Variants in TNIK observed in about 807,000 individuals in gnomAD.
TNIK encodes TRAF2 and NCK interacting kinase.
In TNIK, 49 loss-of-function variants were observed where a neutral mutation model predicts 191.3. That is an observed-to-expected ratio of 0.26 (90% CI 0.20 to 0.32). The LOEUF (loss-of-function observed/expected upper bound fraction) is 0.32, where lower values mean the gene tolerates loss of function less well. Ranked by LOEUF, TNIK falls within the 10% of genes least tolerant of loss-of-function variation. TNIK has a pLI of 1.00. For missense variants in TNIK, 1,155 were observed against 1,702.3 expected (o/e 0.68, Z 5.66); for synonymous variants, 594 against 600.9 (o/e 0.99, Z 0.17).
At chr3:171,201,292 G>A (rs1205744690) in intron 4 of TNIK, among the ~76,000 whole-genome samples, 5 of 152,224 alleles carry the variant, frequency 3.3e-5, no homozygotes, top group South Asian at 2.1e-4. Flanking sequence ...CCAGCTACTC[G>A]GGAGGCTGAG....
chr3:171,407,187 G>A (rs1041041799), intron 1 of TNIK, among the ~76,000 whole-genome samples: 6 of 152,134 alleles, frequency 3.9e-5, no homozygotes, highest in African/African-American at 4.8e-5. Flanking sequence ...AAGAAATGGC[G>A]GAAGGAAGTA....
intron 2 of TNIK, among the ~76,000 whole-genome samples, chr3:171,242,898 A>T (rs879567863): frequency 1.3e-4 from 20 of 152,238 alleles, no homozygotes; most frequent in Admixed American, 2.6e-4. Context: ...ACATTTTTAA[A>T]CATAAAAAAA....
intron 2 of TNIK, among the ~76,000 whole-genome samples, chr3:171,277,426 CT>C (rs1275585932): frequency 6.6e-6 from 1 of 151,888 alleles, no homozygotes; most frequent in African/African-American, 2.4e-5. Flanking sequence ...AAAGTAGTTG[CT>C]TTTGGGGAAC....
intron 2 of TNIK, among the ~76,000 whole-genome samples, chr3:171,230,895 C>T (rs1743540866): frequency 6.6e-6 from 1 of 152,164 alleles, no homozygotes; most frequent in South Asian, 2.1e-4. Flanking sequence ...CCAAATAAAA[C>T]CTTAAGTGAA....
intron 7 of TNIK, among the ~76,000 whole-genome samples, chr3:171,183,919 C>CT (rs1387932983): frequency 1.6e-5 from 1 of 61,554 alleles, no homozygotes; most frequent in African/African-American, 9.1e-5. Context: ...TAGACTCCGT[C>CT]TTAAAAAAAA....
chr3:171,261,786 C>A (rs1747650347), intron 2 of TNIK, among the ~76,000 whole-genome samples: 3 of 152,074 alleles, frequency 2.0e-5, no homozygotes. Context: ...AATAAATAAA[C>A]AAATGCAGAC....
At chr3:171,098,371 A>ATAAT (rs1263501442) in intron 22 of TNIK, among the ~76,000 whole-genome samples, 1 of 152,184 alleles carries the variant, frequency 6.6e-6, no homozygotes, top group African/African-American at 2.4e-5. Context: ...AAAATCTCCC[A>ATAAT]TAATTATATT....
intron 2 of TNIK, among the ~76,000 whole-genome samples, chr3:171,363,213 G>A (rs1715236877): frequency 6.6e-6 from 1 of 152,128 alleles, no homozygotes; most frequent in Admixed American, 6.6e-5. Context: ...CATATCTCAG[G>A]AGTGCTGAGG....
chr3:171,200,295 T>C lies in TNIK; in HGVS notation c.307-5660A>G, dbSNP rs538118475. On this transcript the variant is annotated intron_variant, in intron 4 of 32. Coordinates refer to ENST00000436636, the MANE Select transcript of TNIK (RefSeq NM_015028.4). Reference sequence around the variant, plus strand: ...AAGTTGAAGGTGGTTGGGGGCAGGATGAGGACTAGGCCTGAGCCTGGAGGA... The same window carrying C: ...AAGTTGAAGGTGGTTGGGGGCAGGACGAGGACTAGGCCTGAGCCTGGAGGA... 2.0e-5 allele frequency among the ~76,000 whole-genome samples: 3 copies of C among 152,252 alleles called. No homozygotes were observed. The East Asian group carries it at 5.8e-4, about 29-fold the overall frequency.
At chr3:171,404,374 T>C (rs971024043) in intron 1 of TNIK, among the ~76,000 whole-genome samples, 7 of 152,202 alleles carry the variant, frequency 4.6e-5, no homozygotes, top group Non-Finnish European at 1.5e-5. Flanking sequence ...AAATTAAAAA[T>C]TAACATTTGT....
intron 1 of TNIK, among the ~76,000 whole-genome samples, chr3:171,382,684 T>C (rs1378252470): frequency 1.3e-5 from 2 of 152,204 alleles, no homozygotes; most frequent in Admixed American, 6.5e-5. Context: ...GTTCAAATCA[T>C]TGTGATGACT....
At chr3:171,439,064 G>A (rs1726407759) in intron 1 of TNIK, among the ~76,000 whole-genome samples, 1 of 152,230 alleles carries the variant, frequency 6.6e-6, no homozygotes, top group Non-Finnish European at 1.5e-5. Flanking sequence ...AATCGGACTA[G>A]CCAGGCACAG....
At chr3:171,207,608 A>AC (rs1740261868) in intron 4 of TNIK, among the ~76,000 whole-genome samples, 1 of 152,132 alleles carries the variant, frequency 6.6e-6, no homozygotes, top group African/African-American at 2.4e-5. Flanking sequence ...AGCAAGGGGG[A>AC]CTTCCAGGGT....
At chr3:171,296,177 G>A (rs999457592) in intron 2 of TNIK, among the ~76,000 whole-genome samples, 1 of 152,074 alleles carries the variant, frequency 6.6e-6, no homozygotes, top group East Asian at 1.9e-4. Flanking sequence ...TCTCAGCCAC[G>A]ACCTGTGCTT....
chr3:171,449,453 C>A (rs1238368928), intron 1 of TNIK, among the ~76,000 whole-genome samples: 1 of 152,004 alleles, frequency 6.6e-6, no homozygotes, highest in Non-Finnish European at 1.5e-5. Context: ...TTAAATTCCC[C>A]ATGAAAAAGA....
At chr3:171,334,871 GTTTCTTT>G (rs1756789164) in intron 2 of TNIK, among the ~76,000 whole-genome samples, 1 of 100,762 alleles carries the variant, frequency 9.9e-6, no homozygotes, top group Admixed American at 9.8e-5. Flanking sequence ...ATCTTTATAA[GTTTCTTT>G]TTTTTTTTTT....
chr3:171,072,887 G>C (rs1309776950), intron 28 of TNIK, among the ~76,000 whole-genome samples: 1 of 151,926 alleles, frequency 6.6e-6, no homozygotes, highest in Non-Finnish European at 1.5e-5. Context: ...CCCCTACAAG[G>C]AGAACTACAA....
At chr3:171,380,528 T>A (rs11914826) in intron 1 of TNIK, among the ~76,000 whole-genome samples, 189 of 152,348 alleles carry the variant, frequency 1.2e-3, no homozygotes, top group African/African-American at 4.3e-3. Context: ...CTTGAAAGAA[T>A]TTTCAACTGT....
chr3:171,171,788 G>A (rs1735318282), intron 9 of TNIK, among the ~76,000 whole-genome samples: 1 of 152,176 alleles, frequency 6.6e-6, no homozygotes, highest in Non-Finnish European at 1.5e-5. Context: ...CCTGCGAGTG[G>A]AATCTACGCA....
Sources: gnomAD v4.1 joint callset for allele counts (sites outside exome capture counted in the v4.1 genomes callset) on GRCh38, gnomAD v4.1.1 for gene constraint, MANE v1.5 for transcripts, NCBI Gene and HGNC (gene_info 2026-07-23, HGNC 2026-07-21) for gene names.